The following LMX1A variants were observed in gnomAD, a reference collection of about 807,000 sequenced individuals.
LMX1A encodes the protein LIM homeobox transcription factor 1 alpha.
LMX1A carries 15 observed loss-of-function variants against 49.1 expected under a neutral mutation model. The ratio of observed to expected loss-of-function variants is 0.31; its 90% CI spans 0.20 to 0.47. The LOEUF (loss-of-function observed/expected upper bound fraction) is 0.47, where lower values mean the gene tolerates loss of function less well. LMX1A is among the 20% of genes least tolerant of loss of function. The probability of loss-of-function intolerance (pLI) is 1.00; values close to 1 mark genes in which losing one functional copy is unlikely to be tolerated. For synonymous variants in LMX1A, 167 were observed against 185.7 expected (o/e 0.90, Z 0.82); for missense variants, 372 against 475.8 (o/e 0.78, Z 2.03).
chr1:165,341,493 A>G (rs1302353424), intron 3 of LMX1A, among the ~76,000 whole-genome samples: 1 of 152,168 alleles, frequency 6.6e-6, no homozygotes, highest in Non-Finnish European at 1.5e-5. Flanking sequence ...ACTATGCAAG[A>G]TTATGGAGAT....
At chr1:165,263,482 C>A (rs1042782971) in intron 3 of LMX1A, among the ~76,000 whole-genome samples, 3 of 152,208 alleles carry the variant, frequency 2.0e-5, no homozygotes, top group Non-Finnish European at 4.4e-5. Context: ...AATCTGCCAA[C>A]AAGCAATTTC....
intron 3 of LMX1A, among the ~76,000 whole-genome samples, chr1:165,300,129 G>A (rs574416165): frequency 1.3e-5 from 2 of 152,090 alleles, no homozygotes; most frequent in African/African-American, 4.8e-5. Context: ...CCAACGAGTG[G>A]TCCCAGGTCA....
At chr1:165,280,410 C>T (rs1347129274) in intron 3 of LMX1A, among the ~76,000 whole-genome samples, 1 of 152,244 alleles carries the variant, frequency 6.6e-6, no homozygotes, top group South Asian at 2.1e-4. Flanking sequence ...CTGAAGCCAG[C>T]CTCTTCAGTG....
Position 165,213,676 on chromosome 1 carries a change from C to T in LMX1A, c.634G>A (p.Ala212Thr). 8 of 1,614,206 alleles carry T rather than the reference C, an allele frequency of 5.0e-6. No individual in the cohort carries two copies. The highest frequency in any genetic ancestry group is 6.8e-6 in the Non-Finnish European group (8 of 1,180,026). Residue 212 changes from alanine to threonine, a missense_variant, in exon 5 of 9, where the codon GCC (alanine) becomes ACC (threonine). This residue lies in a region of LMX1A where 46 missense variants were observed against 93.8 expected (regional missense o/e 0.49). Transcript: ENST00000342310. ...LTTQQRRAFK[A>T]SFEVSSKPCR... ...GGCTTGGAGGATACTTCAAATGAGG[C>T]CTTGAATGCTCGCCTCTGTTGAGTT...
intron 4 of LMX1A, 72 bp downstream of exon 4, chr1:165,249,336 A>G: frequency 9.2e-7 from 1 of 1,081,728 alleles, no homozygotes; most frequent in South Asian, 1.3e-5. Flanking sequence ...TCTAGGGAAG[A>G]AACAATGCAG....
At chr1:165,351,990 G>A (rs901344702) in intron 3 of LMX1A, among the ~76,000 whole-genome samples, 1 of 152,010 alleles carries the variant, frequency 6.6e-6, no homozygotes, top group South Asian at 2.1e-4. Context: ...GCGTGCACGC[G>A]CGCGTCCACA....
At chr1:165,269,101 C>T (rs544109677) in intron 3 of LMX1A, among the ~76,000 whole-genome samples, 1 of 152,212 alleles carries the variant, frequency 6.6e-6, no homozygotes, top group Non-Finnish European at 1.5e-5. Flanking sequence ...CCCATCACCT[C>T]ACCAAGAACA....
At chr1:165,349,516 A>T (rs1391733899) in intron 3 of LMX1A, among the ~76,000 whole-genome samples, 1 of 152,212 alleles carries the variant, frequency 6.6e-6, no homozygotes, top group African/African-American at 2.4e-5. Context: ...CATCCCACCA[A>T]GCTAGCAATT....
chr1:165,350,255 T>C (rs1460213591), intron 3 of LMX1A, among the ~76,000 whole-genome samples: 1 of 151,946 alleles, frequency 6.6e-6, no homozygotes, highest in Non-Finnish European at 1.5e-5. Context: ...TGTAATTGCT[T>C]CAGGACTATT....
At chr1:165,268,524 A>G (rs545556433) in intron 3 of LMX1A, among the ~76,000 whole-genome samples, 191 of 152,366 alleles carry the variant, frequency 1.3e-3, no homozygotes, top group African/African-American at 3.2e-3. Flanking sequence ...AAATATTCCC[A>G]CATCTAATGC....
At chr1:165,290,606 C>T (rs1036891370) in intron 3 of LMX1A, among the ~76,000 whole-genome samples, 7 of 152,134 alleles carry the variant, frequency 4.6e-5, no homozygotes, top group African/African-American at 1.2e-4. Flanking sequence ...CTTTGGGGAA[C>T]GTTTTCAGTC....
chr1:165,325,281 T>C (rs921107038), intron 3 of LMX1A, among the ~76,000 whole-genome samples: 3 of 152,212 alleles, frequency 2.0e-5, no homozygotes, highest in African/African-American at 7.2e-5. Flanking sequence ...TCTGTACTAG[T>C]GAATAACTGG....
chr1:165,305,933 G>C (rs577957850), intron 3 of LMX1A, among the ~76,000 whole-genome samples: 5 of 152,152 alleles, frequency 3.3e-5, no homozygotes, highest in Non-Finnish European at 7.3e-5. Context: ...CACACCTCCA[G>C]AGAATTTCCA....
chr1:165,287,629 T>C (rs902389613), intron 3 of LMX1A, among the ~76,000 whole-genome samples: 1 of 152,090 alleles, frequency 6.6e-6, no homozygotes, highest in Non-Finnish European at 1.5e-5. Context: ...CAACACCTCC[T>C]ACAAGGGCCA....
rs189754738 is a variant in LMX1A at position 165,298,692 on chromosome 1, C to T, written c.264-49052G>A. On this transcript the variant is annotated intron_variant, in intron 3 of 8. Coordinates refer to ENST00000342310, the MANE Select transcript of LMX1A (RefSeq NM_177398.4). ...GAACCCACATAAGGTGTAACTTCCC[C>T]ATAAAAGGAGCCTCCAAGGCCTACA... Among the ~76,000 whole-genome samples the T allele has an allele frequency of 2.2e-4, 33 of 152,276 alleles. No individual in the cohort carries two copies. In the East Asian group the frequency reaches 5.6e-3, roughly 26 times the overall value.
chr1:165,302,331 C>A (rs575572192), intron 3 of LMX1A, among the ~76,000 whole-genome samples: 2 of 152,154 alleles, frequency 1.3e-5, no homozygotes, highest in South Asian at 2.1e-4. Context: ...GTAATCCCAG[C>A]TACTCAGGTG....
chr1:165,304,433 A>T (rs1383049074), intron 3 of LMX1A, among the ~76,000 whole-genome samples: 1 of 152,216 alleles, frequency 6.6e-6, no homozygotes, highest in African/African-American at 2.4e-5. Context: ...GTCACCCAAG[A>T]TATGCCACTT....
At chr1:165,319,500 GATAA>G (rs1557883514) in intron 3 of LMX1A, among the ~76,000 whole-genome samples, 1 of 151,974 alleles carries the variant, frequency 6.6e-6, no homozygotes, top group Non-Finnish European at 1.5e-5. Flanking sequence ...TCCAAGATAT[GATAA>G]ATAAATATAT....
intron 3 of LMX1A, among the ~76,000 whole-genome samples, chr1:165,261,971 T>C (rs1406400066): frequency 6.6e-6 from 1 of 152,226 alleles, no homozygotes; most frequent in African/African-American, 2.4e-5. Context: ...AGTATGAATG[T>C]ACTTAATGCC....
Sources: allele counts gnomAD v4.1 joint callset (sites outside exome capture counted in the v4.1 genomes callset), GRCh38; gene constraint gnomAD v4.1.1; regional missense constraint gnomAD v4.1.1; transcripts MANE v1.5; gene names NCBI Gene and HGNC (gene_info 2026-07-23, HGNC 2026-07-21).